EPG5: variants seen among roughly 807,000 people sequenced by gnomAD.
The protein encoded by EPG5 is ectopic P granules protein 5 homolog.
EPG5 carries 159 observed loss-of-function variants against 302.7 expected under a neutral mutation model. The observed-to-expected ratio is 0.53, with a 90% CI of 0.46 to 0.60. The LOEUF is 0.60. Ranked by LOEUF, EPG5 falls within the 20% of genes least tolerant of loss-of-function variation. The pLI is 0.00. For missense variants in EPG5, 2,896 were observed against 3,092.4 expected (o/e 0.94, Z 1.51); for synonymous variants, 1,158 against 1,136.8 (o/e 1.02, Z -0.37).
the EPG5 span, among the ~76,000 whole-genome samples, chr18:45,821,036 T>G: frequency 1.3e-5 from 2 of 152,234 alleles, no homozygotes; most frequent in Non-Finnish European, 2.9e-5. Flanking sequence ...TATACATTTG[T>G]CAAGTGCAGA....
Position 45,967,210 on chromosome 18 carries a change from C to G in EPG5, c.30G>C (p.Arg10=). Reference sequence around the variant, plus strand: ...TAGTCCGGCTGGCCTTGGCCTTGGCCCGGCGCTGGGGCTTCACCGCCTCGG... The same window carrying G: ...TAGTCCGGCTGGCCTTGGCCTTGGCGCGGCGCTGGGGCTTCACCGCCTCGG... The part of the protein sequence containing the change: MAEAVKPQR[R]AKAKASRTKT... The change falls in exon 1 of 44, where the codon CGG becomes CGC. Residue 10 remains arginine, a synonymous_variant. Coordinates refer to ENST00000282041, the MANE Select transcript of EPG5 (RefSeq NM_020964.3). 4 of 1,605,966 alleles carry G rather than the reference C, an allele frequency of 2.5e-6. No individual in the cohort carries two copies. The highest frequency in any genetic ancestry group is 3.4e-6 in the Non-Finnish European group (4 of 1,176,478).
At position 45,926,141 on chromosome 18, in the gene EPG5, A is replaced by G. The variant is rs74906175; in HGVS notation, c.2554-239T>C. ...TTTGTAAAGATCAATCTTTTTAAAT[A>G]TTCAAATTGGTATGCTTCAGTTTAG... is the stretch of plus-strand genomic sequence containing the variant. On this transcript the variant is annotated intron_variant, in intron 13 of 43. Transcript: ENST00000282041. 5.7e-3 allele frequency among the ~76,000 whole-genome samples: 869 copies of G among 152,358 alleles called. 16 individuals are homozygous for G. Among genetic ancestry groups the G allele is most frequent in the African/African-American group, 0.02 (839 of 41,586 alleles).
the EPG5 span, among the ~76,000 whole-genome samples, chr18:45,836,118 C>T: frequency 2.0e-5 from 3 of 152,196 alleles, no homozygotes; most frequent in Non-Finnish European, 2.9e-5. Context: ...TGGGTTAGGG[C>T]TGAGAAGACT....
intron 30 of EPG5, among the ~76,000 whole-genome samples, chr18:45,882,732 G>A (rs1253575133): frequency 2.6e-5 from 4 of 152,132 alleles, no homozygotes; most frequent in Non-Finnish European, 4.4e-5. Context: ...ATTGGGTCGG[G>A]TGCGGTGGCT....
At chr18:45,823,305 G>A in the EPG5 span, among the ~76,000 whole-genome samples, 2 of 152,006 alleles carry the variant, frequency 1.3e-5, no homozygotes, top group African/African-American at 2.4e-5. Flanking sequence ...GAGGGTGAGG[G>A]GTGCATGATC....
chr18:45,807,262 C>T, the EPG5 span, among the ~76,000 whole-genome samples: 1 of 152,156 alleles, frequency 6.6e-6, no homozygotes, highest in East Asian at 1.9e-4. Flanking sequence ...CATGCCTAGC[C>T]CTGCCCCCAC....
intron 1 of EPG5, among the ~76,000 whole-genome samples, chr18:45,958,801 T>C (rs1761516455): frequency 6.6e-6 from 1 of 152,158 alleles, no homozygotes; most frequent in South Asian, 2.1e-4. Flanking sequence ...AAAGATCAAT[T>C]GGACTTCATC....
At chr18:45,943,451 T>A in intron 8 of EPG5, 140 bp from the exon 9 acceptor site, 1 of 693,652 alleles carries the variant, frequency 1.4e-6, no homozygotes, top group Non-Finnish European at 2.4e-6. Context: ...GGCTCCCATA[T>A]CAACATGAAA....
intron 24 of EPG5, among the ~76,000 whole-genome samples, chr18:45,907,682 AT>A (rs1319193232): frequency 6.6e-6 from 1 of 152,108 alleles, no homozygotes; most frequent in African/African-American, 2.4e-5. Context: ...ATTAAAAAAA[AT>A]ATACAGTCAG....
At chr18:45,842,407 G>A in the EPG5 span, 6 of 573,368 alleles carry the variant, frequency 1.0e-5, no homozygotes, top group Admixed American at 3.0e-5. Flanking sequence ...CCAGCATTTC[G>A]TAAATGTGCA....
At chr18:45,837,130 A>C in the EPG5 span, 4 of 1,609,902 alleles carry the variant, frequency 2.5e-6, no homozygotes, top group Non-Finnish European at 3.4e-6. Context: ...GGATCTTGGG[A>C]GTCTGTTTTA....
At chr18:45,863,982 T>TA (rs2048687925) in intron 39 of EPG5, among the ~76,000 whole-genome samples, 1 of 152,226 alleles carries the variant, frequency 6.6e-6, no homozygotes, top group Admixed American at 6.5e-5. Context: ...TCAGCCTTGC[T>TA]ATCTCTTCAG....
chr18:45,959,067 A>G (rs1403749789), intron 1 of EPG5, among the ~76,000 whole-genome samples: 1 of 152,204 alleles, frequency 6.6e-6, no homozygotes, highest in Non-Finnish European at 1.5e-5. Flanking sequence ...AGTAATAATA[A>G]AATTCCAGTC....
In EPG5 at chr18:45,940,334, C is replaced by T. The variant is rs184849420; in HGVS notation, c.1944-579G>A. ...GGGGCCCTGCAGGCCACTGTGAGGA[C>T]GTCGGCTTTTTCCCTGAGTGCAGTG... is the stretch of plus-strand genomic sequence containing the variant. On this transcript the variant is annotated intron_variant, in intron 9 of 43. Coordinates refer to ENST00000282041, the MANE Select transcript of EPG5 (RefSeq NM_020964.3). 2.4e-3 allele frequency among the ~76,000 whole-genome samples: 371 copies of T among 152,282 alleles called. 1 individual carries two copies. Among genetic ancestry groups the T allele is most frequent in the African/African-American group, 7.7e-3 (322 of 41,554 alleles).
intron 10 of EPG5, 114 bp from the exon 11 acceptor site, chr18:45,935,080 C>A: frequency 9.0e-7 from 1 of 1,115,160 alleles, no homozygotes; most frequent in Non-Finnish European, 1.3e-6. Flanking sequence ...TATGATTTTT[C>A]TAATATGCTT....
At chr18:45,837,536 A>T in the EPG5 span, 3 of 1,517,622 alleles carry the variant, frequency 2.0e-6, no homozygotes, top group Admixed American at 2.0e-5. Flanking sequence ...GCGCTGGTCC[A>T]TGCAGGTGCC....
chr18:45,899,295 T>C, intron 27 of EPG5, 109 bp downstream of exon 27: 1 of 1,287,948 alleles, frequency 7.8e-7, no homozygotes, highest in South Asian at 1.4e-5. Flanking sequence ...AGTAAATGTT[T>C]GGGACACAGA....
chr18:45,880,042 G>T (rs376895006), intron 32 of EPG5, 33 bp downstream of exon 32: 2 of 1,507,390 alleles, frequency 1.3e-6, no homozygotes, highest in African/African-American at 1.4e-5. Context: ...AAAAAGAAAT[G>T]CACAAACACG....
intron 30 of EPG5, among the ~76,000 whole-genome samples, chr18:45,883,847 T>G (rs2049159870): frequency 6.6e-6 from 1 of 150,396 alleles, no homozygotes; most frequent in Admixed American, 6.6e-5. Flanking sequence ...ACTGCTTAAG[T>G]AAACTCATTA....
Sources: allele counts gnomAD v4.1 joint callset (sites outside exome capture counted in the v4.1 genomes callset), GRCh38; gene constraint gnomAD v4.1.1; transcripts MANE v1.5; gene names NCBI Gene and HGNC (gene_info 2026-07-23, HGNC 2026-07-21).